ACAT1: variants seen among roughly 807,000 people sequenced by gnomAD.
ACAT1 encodes the protein acetyl-CoA acetyltransferase, mitochondrial.
Under a neutral mutation model 47.3 loss-of-function variants are expected in ACAT1, and 28 were observed. The observed-to-expected ratio is 0.59, with a 90% CI of 0.44 to 0.81. ACAT1 has a LOEUF of 0.81. ACAT1 is among the 30% of genes least tolerant of loss of function. The pLI, the probability that ACAT1 is intolerant of heterozygous loss-of-function variation, is 0.00. For synonymous variants in ACAT1, 181 were observed against 173.6 expected, an observed-to-expected ratio of 1.04 and a Z score of -0.34; for missense variants, 469 against 524.3, an observed-to-expected ratio of 0.89 and a Z score of 1.03.
At chr11:108,141,836 T>A in intron 8 of ACAT1, 136 bp downstream of exon 8, 1 of 674,678 alleles carries the variant, frequency 1.5e-6, no homozygotes, top group South Asian at 1.7e-5. Context: ...ATCAGGCTCA[T>A]GTAAAATTGT....
chr11:108,131,354 A>ATTTTTTTTTTTTTTTTTTTT lies in ACAT1; in HGVS notation c.73-535_73-534insTTTTTTTTTTTTTTTTTTTT, dbSNP rs397951009. The stretch of plus-strand genomic sequence containing the variant: ...AAGCTATATTTAAGAAAGACTTGGA[A>ATTTTTTTTTTTTTTTTTTTT]TTTTTTTTTTTTTTTTTTAGACAGT... On this transcript the variant is annotated intron_variant, in intron 1 of 11. Coordinates refer to ENST00000265838, the MANE Select transcript of ACAT1 (RefSeq NM_000019.4). Among the ~76,000 whole-genome samples, 241 of 62,642 alleles carry ATTTTTTTTTTTTTTTTTTTT rather than the reference A, an allele frequency of 3.8e-3. 38 individuals are homozygous for ATTTTTTTTTTTTTTTTTTTT. The highest frequency in any genetic ancestry group is 8.5e-3 in the African/African-American group (164 of 19,300). The allele number at this position is 62,642 out of a possible 152,430, so 41.1% of individuals were successfully genotyped here. A position where few individuals can be genotyped will look rare whatever the true frequency, so the allele number is the denominator to read the frequency against.
At chr11:108,144,313 T>C in intron 10 of ACAT1, 1 of 480,678 alleles carries the variant, frequency 2.1e-6, no homozygotes, top group Non-Finnish European at 3.7e-6. Context: ...CATACAGAAC[T>C]CACACACCTG....
intron 6 of ACAT1, among the ~76,000 whole-genome samples, chr11:108,139,845 G>T (rs2077551920): frequency 6.6e-6 from 1 of 151,920 alleles, no homozygotes; most frequent in Non-Finnish European, 1.5e-5. Flanking sequence ...TAGAGACGGG[G>T]TTTCACCATG....
intron 1 of ACAT1, among the ~76,000 whole-genome samples, chr11:108,125,938 A>AG (rs1490623488): frequency 6.6e-6 from 1 of 151,868 alleles, no homozygotes; most frequent in Admixed American, 6.6e-5. Context: ...AAAAAAAAAA[A>AG]AGAAAAGACA....
rs12272177 is a variant in ACAT1 at position 108,142,644 on chromosome 11, C to T, written c.940+94C>T. ...TTGAGCCCCGGAGTTCGAAATCAGC[C>T]TGGGCAATATAGTGAGACTTCGTCT... On this transcript the variant is annotated intron_variant, in intron 9 of 11. Coordinates refer to ENST00000265838, the MANE Select transcript of ACAT1 (RefSeq NM_000019.4). 5.2e-3 allele frequency: 5,112 copies of T among 981,592 alleles called. 182 individuals are homozygous for T. In the African/African-American group the frequency reaches 0.071, roughly 14 times the overall value. The allele number at this position is 981,592 out of a possible 1,614,324, so 60.8% of individuals were successfully genotyped here. A position where few individuals can be genotyped will look rare whatever the true frequency, so the allele number is the denominator to read the frequency against.
At chr11:108,121,403 C>T (rs1246409549), upstream of ACAT1, 2 of 633,380 alleles carry the variant, frequency 3.2e-6, no homozygotes, top group Non-Finnish European at 5.6e-6. Context: ...GTCCTTCACT[C>T]GTCAACCTTT....
At chr11:108,119,612 A>T (rs1199728103), upstream of ACAT1, among the ~76,000 whole-genome samples, 1 of 151,512 alleles carries the variant, frequency 6.6e-6, no homozygotes, top group Non-Finnish European at 1.5e-5. Flanking sequence ...TTCTTTAACA[A>T]TTCAACTTTT....
chr11:108,140,394 C>A (rs1419049358), intron 7 of ACAT1, among the ~76,000 whole-genome samples, 179 bp downstream of exon 7: 3 of 152,222 alleles, frequency 2.0e-5, no homozygotes, highest in African/African-American at 7.2e-5. Flanking sequence ...AGATTTCAAT[C>A]CATTTATAAG....
At chr11:108,120,925 G>C (rs573832725), upstream of ACAT1, among the ~76,000 whole-genome samples, 2 of 152,194 alleles carry the variant, frequency 1.3e-5, no homozygotes, top group African/African-American at 4.8e-5. Flanking sequence ...AATTTGCTGG[G>C]CGTGGTCGCC....
At chr11:108,129,687 C>G (rs1477125290) in intron 1 of ACAT1, among the ~76,000 whole-genome samples, 1 of 152,030 alleles carries the variant, frequency 6.6e-6, no homozygotes, top group Non-Finnish European at 1.5e-5. Context: ...GACTTCTTTT[C>G]CTCTGGGTAG....
intron 2 of ACAT1, among the ~76,000 whole-genome samples, chr11:108,132,853 C>CAAAAAAAAAAA (rs57501370): frequency 4.2e-5 from 2 of 47,892 alleles, no homozygotes; most frequent in African/African-American, 1.8e-4. Context: ...AACTCCATCT[C>CAAAAAAAAAAA]AAAAAAAAAA....
At position 108,135,238 on chromosome 11, in the gene ACAT1, A is replaced by G. The variant is rs1025180934; in HGVS notation, c.431A>G (p.His144Arg). The G allele has an allele frequency of 6.2e-7, 1 of 1,606,592 alleles. No individual in the cohort carries two copies. The highest frequency in any genetic ancestry group is 1.1e-5 in the South Asian group (1 of 90,906). ...MMASQSLMCGHQDVMVAGGME... is the reference protein window; with the variant it reads ...MMASQSLMCGRQDVMVAGGME... ...GCCTCTCAAAGTCTTATGTGTGGAC[A>G]TCAGGTAAGAAACACCGTCCTTCCC... Residue 144 changes from histidine to arginine, a missense_variant, in exon 5 of 12, where the codon CAT becomes CGT. His to Arg is a conservative substitution (Grantham distance 29). Coordinates refer to ENST00000265838, the MANE Select transcript of ACAT1 (RefSeq NM_000019.4).
intron 5 of ACAT1, among the ~76,000 whole-genome samples, chr11:108,138,564 T>C (rs985334668): frequency 1.3e-5 from 2 of 151,968 alleles, no homozygotes; most frequent in African/African-American, 4.8e-5. Flanking sequence ...ACCCAGCTAA[T>C]TTTTGTATTT....
intron 3 of ACAT1, 65 bp downstream of exon 3, chr11:108,134,002 T>G (rs2077412759): frequency 1.4e-6 from 2 of 1,431,932 alleles, no homozygotes; most frequent in East Asian, 2.3e-5. Flanking sequence ...GATATTTATT[T>G]TGCATTAACT....
intron 5 of ACAT1, among the ~76,000 whole-genome samples, chr11:108,137,397 T>C (rs2077488287): frequency 1.3e-5 from 2 of 152,178 alleles, no homozygotes; most frequent in South Asian, 4.1e-4. Flanking sequence ...TTATATATTA[T>C]GCTGAGTTAT....
chr11:108,121,594 G>A lies in ACAT1; in HGVS notation c.-13G>A, dbSNP rs754411997. 1 of 1,550,396 alleles carries A rather than the reference G, an allele frequency of 6.4e-7. No homozygotes were observed. Among genetic ancestry groups the A allele is most frequent in the African/African-American group, 1.4e-5 (1 of 73,220 alleles). The stretch of plus-strand genomic sequence containing the variant: ...TCTACGCCTGTGGAGCCGATACTCA[G>A]CCCTCTGCGACCATGGCTGTGCTGG... On this transcript the variant is annotated 5_prime_UTR_variant, in exon 1 of 12. Coordinates refer to ENST00000265838, the MANE Select transcript of ACAT1 (RefSeq NM_000019.4).
chr11:108,136,746 C>T (rs1351395832), intron 5 of ACAT1: 1 of 152,044 alleles, frequency 6.6e-6, no homozygotes, highest in African/African-American at 2.4e-5. Flanking sequence ...TTGCCATCAC[C>T]CCCAGTAAAA....
chr11:108,133,778 G>T, intron 2 of ACAT1, 42 bp from the exon 3 acceptor site: 1 of 1,448,706 alleles, frequency 6.9e-7, no homozygotes, highest in Non-Finnish European at 9.7e-7. Context: ...AATACGATTT[G>T]GGTAAAATAC....
At chr11:108,144,159 T>C in intron 10 of ACAT1, 112 bp downstream of exon 10, 2 of 1,238,160 alleles carry the variant, frequency 1.6e-6, no homozygotes, top group Non-Finnish European at 1.2e-6. Context: ...AGAGATAGCT[T>C]GGTTTCAAAT....
Sources: allele counts gnomAD v4.1 joint callset (sites outside exome capture counted in the v4.1 genomes callset), GRCh38; gene constraint gnomAD v4.1.1; transcripts MANE v1.5; gene names NCBI Gene and HGNC (gene_info 2026-07-23, HGNC 2026-07-21).